Variants in SLC4A10 observed in about 807,000 individuals in gnomAD.
SLC4A10 encodes the protein sodium-driven chloride bicarbonate exchanger.
A neutral mutation model predicts 137.7 loss-of-function variants in SLC4A10; 42 were observed. That is an observed-to-expected ratio of 0.30 (90% CI 0.24 to 0.39). SLC4A10 has a LOEUF of 0.39. Ranked by LOEUF, SLC4A10 falls within the 10% of genes least tolerant of loss-of-function variation. The pLI, the probability that SLC4A10 is intolerant of heterozygous loss-of-function variation, is 1.00. For synonymous variants in SLC4A10, 474 were observed against 464.1 expected (o/e 1.02, Z -0.27); for missense variants, 925 against 1,355.0 (o/e 0.68, Z 4.98).
intron 1 of SLC4A10, among the ~76,000 whole-genome samples, chr2:161,631,370 G>C (rs1278215308): frequency 2.0e-5 from 3 of 151,612 alleles, no homozygotes; most frequent in African/African-American, 7.3e-5. Context: ...AGAAGGCCGA[G>C]TATCCAAAAA....
intron 21 of SLC4A10, among the ~76,000 whole-genome samples, chr2:161,959,434 G>A (rs888942933): frequency 6.6e-6 from 1 of 152,204 alleles, no homozygotes; most frequent in Non-Finnish European, 1.5e-5. Flanking sequence ...AGGTTTGATA[G>A]TGCTGGAGGA....
At chr2:161,916,111 G>A (rs1304146912) in intron 15 of SLC4A10, among the ~76,000 whole-genome samples, 1 of 152,158 alleles carries the variant, frequency 6.6e-6, no homozygotes, top group Non-Finnish European at 1.5e-5. Flanking sequence ...CCAGAACTGT[G>A]AGAAAATAAA....
chr2:161,977,416 T>C, intron 25 of SLC4A10: 1 of 490,958 alleles, frequency 2.0e-6, no homozygotes, highest in Non-Finnish European at 3.9e-6. Context: ...TACAAACAAC[T>C]CCTGTAGTTG....
At chr2:161,651,728 G>T (rs577521330) in intron 1 of SLC4A10, among the ~76,000 whole-genome samples, 1 of 152,312 alleles carries the variant, frequency 6.6e-6, no homozygotes, top group South Asian at 2.1e-4. Flanking sequence ...GGAGCTGCCT[G>T]CCCCACCACA....
intron 3 of SLC4A10, among the ~76,000 whole-genome samples, chr2:161,809,255 A>G (rs1464380814): frequency 1.3e-5 from 2 of 151,730 alleles, no homozygotes; most frequent in Admixed American, 1.3e-4. Flanking sequence ...ATTTGTTTAA[A>G]TTTTGCTTGT....
chr2:161,960,729 GA>G (rs113428226), intron 21 of SLC4A10, among the ~76,000 whole-genome samples: 2,825 of 132,586 alleles, frequency 0.021, 40 homozygotes, highest in Non-Finnish European at 0.03. Flanking sequence ...CAAAAAAAAA[GA>G]AAAAAAAAAA....
intron 1 of SLC4A10, among the ~76,000 whole-genome samples, chr2:161,638,760 A>G (rs983119010): frequency 6.6e-5 from 10 of 151,954 alleles, no homozygotes; most frequent in Non-Finnish European, 1.3e-4. Flanking sequence ...TCATCATGGG[A>G]TATCTTTTCA....
intron 3 of SLC4A10, among the ~76,000 whole-genome samples, chr2:161,820,396 C>T (rs2057512879): frequency 6.6e-6 from 1 of 152,192 alleles, no homozygotes; most frequent in African/African-American, 2.4e-5. Context: ...AATTATCACA[C>T]CAGAACATCT....
chr2:161,755,903 G>T (rs534273419), intron 1 of SLC4A10, among the ~76,000 whole-genome samples: 48 of 151,624 alleles, frequency 3.2e-4, no homozygotes, highest in Non-Finnish European at 6.3e-4. Context: ...TCAAGTAGCT[G>T]GGATTACAGG....
At chr2:161,725,809 A>G (rs779921289) in intron 1 of SLC4A10, among the ~76,000 whole-genome samples, 11 of 152,126 alleles carry the variant, frequency 7.2e-5, no homozygotes, top group Non-Finnish European at 1.0e-4. Context: ...GGAATACCCT[A>G]TTCACCCTGA....
intron 2 of SLC4A10, among the ~76,000 whole-genome samples, chr2:161,790,671 A>G (rs544332756): frequency 6.6e-6 from 1 of 152,306 alleles, no homozygotes; most frequent in Admixed American, 6.5e-5. Context: ...TCAGTCTTTT[A>G]TTGAGCTATC....
chr2:161,719,173 G>A (rs922993613), intron 1 of SLC4A10, among the ~76,000 whole-genome samples: 2 of 151,954 alleles, frequency 1.3e-5, no homozygotes, highest in African/African-American at 2.4e-5. Context: ...CTCTCCTTGT[G>A]ATAGGTTGCT....
chr2:161,753,887 T>C (rs55666706), intron 1 of SLC4A10, among the ~76,000 whole-genome samples: 11,471 of 149,858 alleles, frequency 0.077, 565 homozygotes, highest in East Asian at 0.14. Flanking sequence ...TATTTATTTA[T>C]TTATTTATTT....
chr2:161,659,581 T>G (rs915430576), intron 1 of SLC4A10, among the ~76,000 whole-genome samples: 2 of 152,150 alleles, frequency 1.3e-5, no homozygotes, highest in African/African-American at 4.8e-5. Flanking sequence ...AAAGCTATTA[T>G]GCAACATATC....
At chr2:161,790,666 C>T (rs2054099286) in intron 2 of SLC4A10, among the ~76,000 whole-genome samples, 1 of 152,090 alleles carries the variant, frequency 6.6e-6, no homozygotes, top group South Asian at 2.1e-4. Flanking sequence ...AAATTTCAGT[C>T]TTTTATTGAG....
At chr2:161,648,117 T>A (rs186628091) in intron 1 of SLC4A10, among the ~76,000 whole-genome samples, 1 of 152,168 alleles carries the variant, frequency 6.6e-6, no homozygotes, top group South Asian at 2.1e-4. Flanking sequence ...TCAGGCTCAG[T>A]TGGGCTAATT....
chr2:161,682,365 T>C (rs931516448), intron 1 of SLC4A10, among the ~76,000 whole-genome samples: 1 of 152,144 alleles, frequency 6.6e-6, no homozygotes, highest in African/African-American at 2.4e-5. Context: ...TGAGTATACA[T>C]TATGTTTTTA....
chr2:161,752,545 T>C (rs2049096595), intron 1 of SLC4A10, among the ~76,000 whole-genome samples: 1 of 152,084 alleles, frequency 6.6e-6, no homozygotes, highest in Non-Finnish European at 1.5e-5. Context: ...AGATATAAAA[T>C]ATAATTCTAT....
At chr2:161,743,147 T>G (rs1452178798) in intron 1 of SLC4A10, among the ~76,000 whole-genome samples, 1 of 152,206 alleles carries the variant, frequency 6.6e-6, no homozygotes, top group African/African-American at 2.4e-5. Context: ...GTATTACCTG[T>G]TTTGGTTGCC....
Sources: allele counts gnomAD v4.1 joint callset (sites outside exome capture counted in the v4.1 genomes callset), GRCh38; gene constraint gnomAD v4.1.1; transcripts MANE v1.5; gene names NCBI Gene and HGNC (gene_info 2026-07-23, HGNC 2026-07-21).